The following EBF3 variants were observed in gnomAD, a reference collection of about 807,000 sequenced individuals.
EBF3 encodes EBF transcription factor 3.
Under a neutral mutation model 77.1 loss-of-function variants are expected in EBF3, and 18 were observed. The observed-to-expected ratio is 0.23, with a 90% CI of 0.16 to 0.35. The LOEUF (loss-of-function observed/expected upper bound fraction) is 0.35. EBF3 is among the 10% of genes least tolerant of loss of function. EBF3 has a pLI of 1.00. For missense variants in EBF3, 558 were observed against 860.0 expected, an observed-to-expected ratio of 0.65 and a Z score of 4.39; for synonymous variants, 350 against 343.5, an observed-to-expected ratio of 1.02 and a Z score of -0.21.
At position 129,848,537 on chromosome 10, in the gene EBF3, T is replaced by G. The variant is rs1420294407; in HGVS notation, c.1040-57A>C. 1 of 1,558,374 alleles carries G rather than the reference T, an allele frequency of 6.4e-7. No individual in the cohort carries two copies. The highest frequency in any genetic ancestry group is 1.4e-5 in the African/African-American group (1 of 73,626). On this transcript the variant is annotated intron_variant, in intron 10 of 16. Transcript: ENST00000440978. The surrounding 1 kb of genome is among the most constrained non-coding windows in gnomAD (Gnocchi z 4.4). ...TAATTACTTTTATGTCATCCATTAC[T>G]CGTTTATTGCACACTTACAAATAAA...
chr10:129,963,433 G>A lies in EBF3; in HGVS notation c.225C>T (p.Tyr75=), dbSNP rs1191086440. 1.3e-6 allele frequency: 2 copies of A among 1,592,068 alleles called. No homozygotes were observed. The highest frequency in any genetic ancestry group is 1.7e-5 in the Admixed American group (1 of 57,706). Residue 75 remains tyrosine, a synonymous_variant, in exon 2 of 17, where the codon TAC becomes TAT. Coordinates refer to ENST00000440978, the MANE Select transcript of EBF3 (RefSeq NM_001375380.1). This position sits in a 1 kb window ranked among gnomAD's most constrained non-coding sequence, Gnocchi z 7.1. The part of the protein sequence containing the change: ...SNFFHFVLAL[Y]DRQGQPVEIE... ...TCTCCACCGGCTGCCCCTGCCTATC[G>A]TAGAGCGCCAGCACGAAGTGGAAGA...
At chr10:129,874,364 C>A (rs1048417470) in intron 7 of EBF3, among the ~76,000 whole-genome samples, 1 of 152,120 alleles carries the variant, frequency 6.6e-6, no homozygotes, top group Non-Finnish European at 1.5e-5. Context: ...CCCTCAGCTG[C>A]CTCGTGGTAG....
At chr10:129,930,449 A>G (rs1181851622) in intron 6 of EBF3, among the ~76,000 whole-genome samples, 41 of 148,962 alleles carry the variant, frequency 2.8e-4, no homozygotes, top group Admixed American at 2.4e-3. Flanking sequence ...ATCTGTATCT[A>G]TATCTGTCTA....
intron 15 of EBF3, among the ~76,000 whole-genome samples, chr10:129,839,909 G>T (rs1433168317): frequency 1.3e-5 from 2 of 152,242 alleles, no homozygotes; most frequent in Non-Finnish European, 2.9e-5. Flanking sequence ...GAATCAGACC[G>T]ACAGTGACCA....
rs1236732654 is a variant in EBF3, at chr10:129,870,822, C to T, written c.781+2630G>A. On this transcript the variant is annotated intron_variant, in intron 8 of 16. Transcript: ENST00000440978. This position sits in a 1 kb window ranked among gnomAD's most constrained non-coding sequence, Gnocchi z 4.4. ...TTCTTTTGGGGTCTCTCCACCCTAT[C>T]CAGTATTCTATTAGTAAACAGCTTC... 6.6e-6 allele frequency among the ~76,000 whole-genome samples: 1 copy of T among 152,134 alleles called. No homozygotes were observed. Among genetic ancestry groups the T allele is most frequent in the Non-Finnish European group, 1.5e-5 (1 of 68,026 alleles).
At position 129,963,132 on chromosome 10, in the gene EBF3, C is replaced by T; in HGVS notation, c.292-127G>A. On this transcript the variant is annotated intron_variant, in intron 2 of 16. Transcript: ENST00000440978. This position sits in a 1 kb window ranked among gnomAD's most constrained non-coding sequence, Gnocchi z 7.1. Reference sequence around the variant, plus strand: ...GCAGGATTCCTAGCTCGAAGCAGCGCGGTGATGTCACTTTCCTGCTGGAAG... The same window carrying T: ...GCAGGATTCCTAGCTCGAAGCAGCGTGGTGATGTCACTTTCCTGCTGGAAG... 7.7e-7 allele frequency: 1 copy of T among 1,299,804 alleles called. No homozygotes were observed. Among genetic ancestry groups the T allele is most frequent in the Non-Finnish European group, 1.1e-6 (1 of 907,008 alleles). 80.5% of individuals were successfully genotyped at this position (1,299,804 alleles called of 1,614,324 possible).
chr10:129,924,453 CA>C lies in EBF3; in HGVS notation c.554+32804del, dbSNP rs908388704. ...AACAAAAAAAAAAAAAAACAAAAAACAAAAAACAGAAAATAGGTACTGGTGA... is the reference window on the plus strand; with the variant it reads ...AACAAAAAAAAAAAAAAACAAAAAACAAAAACAGAAAATAGGTACTGGTGA... On this transcript the variant is annotated intron_variant, in intron 6 of 16. Transcript: ENST00000440978. Among the ~76,000 whole-genome samples, 304 of 140,136 alleles carry C rather than the reference CA, an allele frequency of 2.2e-3. 2 individuals carry two copies. The highest frequency in any genetic ancestry group is 3.3e-3 in the Non-Finnish European group (216 of 65,364). 91.9% of individuals were successfully genotyped at this position (140,136 alleles called of 152,430 possible). A position where few individuals can be genotyped will look rare whatever the true frequency, so the allele number is the denominator to read the frequency against.
intron 10 of EBF3, among the ~76,000 whole-genome samples, chr10:129,856,408 C>A (rs1851255359): frequency 6.6e-6 from 1 of 152,084 alleles, no homozygotes; most frequent in African/African-American, 2.4e-5. Context: ...TGTACAGGAG[C>A]AAAACCTTGA....
At chr10:129,843,102 G>GA (rs1333655165) in intron 12 of EBF3, 35 bp downstream of exon 12, 2 of 1,604,930 alleles carry the variant, frequency 1.2e-6, no homozygotes, top group Non-Finnish European at 1.7e-6. Flanking sequence ...TGGCATGGGG[G>GA]GGAGGATGGG....
At chr10:129,867,984 G>C in intron 8 of EBF3, 72 bp from the exon 9 acceptor site, 2 of 1,570,084 alleles carry the variant, frequency 1.3e-6, no homozygotes, top group Non-Finnish European at 1.7e-6. Flanking sequence ...CTCGGCCACC[G>C]CGCGTCCCGC....
intron 6 of EBF3, among the ~76,000 whole-genome samples, chr10:129,896,077 C>T (rs952912139): frequency 6.6e-5 from 10 of 150,908 alleles, no homozygotes; most frequent in East Asian, 2.0e-4. Context: ...AAAGTCCTGA[C>T]GCATGCAATT....
chr10:129,859,299 G>A (rs1851458700), intron 10 of EBF3, among the ~76,000 whole-genome samples: 1 of 152,118 alleles, frequency 6.6e-6, no homozygotes, highest in Admixed American at 6.6e-5. Context: ...TCGGCTCACT[G>A]CAGCCTCCGC....
intron 6 of EBF3, among the ~76,000 whole-genome samples, chr10:129,884,208 A>G (rs1853411732): frequency 6.6e-6 from 1 of 152,162 alleles, no homozygotes; most frequent in Non-Finnish European, 1.5e-5. Context: ...TCGCTGGAGT[A>G]TTGATTACTG....
chr10:129,927,859 T>C (rs962475671), intron 6 of EBF3, among the ~76,000 whole-genome samples: 2 of 152,174 alleles, frequency 1.3e-5, no homozygotes, highest in Non-Finnish European at 2.9e-5. Context: ...TCCTCTGCCC[T>C]GCTCAGTTAG....
chr10:129,865,546 G>A (rs1005693017), intron 10 of EBF3, among the ~76,000 whole-genome samples: 7 of 152,132 alleles, frequency 4.6e-5, no homozygotes, highest in African/African-American at 1.4e-4. Context: ...CCCTAGTGTG[G>A]GGCAGGCACT....
intron 8 of EBF3, among the ~76,000 whole-genome samples, chr10:129,868,582 C>CG (rs1420656284): frequency 6.6e-6 from 1 of 151,732 alleles, no homozygotes; most frequent in Non-Finnish European, 1.5e-5. Flanking sequence ...GCTGCTGCAC[C>CG]GGCCGCAGAG....
At chr10:129,877,234 T>C (rs576021196) in intron 7 of EBF3, among the ~76,000 whole-genome samples, 1 of 152,242 alleles carries the variant, frequency 6.6e-6, no homozygotes, top group Non-Finnish European at 1.5e-5. Flanking sequence ...CTCACGCCTG[T>C]AATCCCAGCA....
At chr10:129,925,369 A>G (rs1856597708) in intron 6 of EBF3, among the ~76,000 whole-genome samples, 1 of 151,916 alleles carries the variant, frequency 6.6e-6, no homozygotes, top group South Asian at 2.1e-4. Flanking sequence ...TGTGCGGTAC[A>G]CAGACCACTC....
chr10:129,949,760 T>C lies in EBF3; in HGVS notation c.554+7498A>G, dbSNP rs561417413. ...CAAGCTTTCTGATTCAATGAAAACT[T>C]AGAGAAAGCGGGAGGGGGTGCAGTT... On this transcript the variant is annotated intron_variant, in intron 6 of 16. Coordinates refer to ENST00000440978, the MANE Select transcript of EBF3 (RefSeq NM_001375380.1). Among the ~76,000 whole-genome samples the C allele has an allele frequency of 3.3e-5, 5 of 152,076 alleles. No individual in the cohort carries two copies. The East Asian group carries it at 7.8e-4, about 24-fold the overall frequency.
Sources: gnomAD v4.1 joint callset for allele counts (sites outside exome capture counted in the v4.1 genomes callset) on GRCh38, gnomAD v4.1.1 for gene constraint, Gnocchi (gnomAD v3.1) non-coding constraint, MANE v1.5 for transcripts, NCBI Gene and HGNC (gene_info 2026-07-23, HGNC 2026-07-21) for gene names.